MYO5A: variants seen among roughly 807,000 people sequenced by gnomAD.
MYO5A encodes unconventional myosin-Va.
In MYO5A, 98 loss-of-function variants were observed where a neutral mutation model predicts 249.7. The ratio of observed to expected loss-of-function variants is 0.39; its 90% confidence interval spans 0.33 to 0.46. The LOEUF (loss-of-function observed/expected upper bound fraction) is 0.46, where lower values mean the gene tolerates loss of function less well. MYO5A is among the 20% of genes least tolerant of loss of function. MYO5A has a pLI of 0.98. For synonymous variants in MYO5A, 778 were observed against 810.6 expected (o/e 0.96, Z 0.68); for missense variants, 1,696 against 2,308.8 (o/e 0.73, Z 5.44).
chr15:52,357,103 C>A (rs985894655), intron 25 of MYO5A, among the ~76,000 whole-genome samples: 1 of 151,942 alleles, frequency 6.6e-6, no homozygotes, highest in Non-Finnish European at 1.5e-5. Context: ...TGCCTCAACA[C>A]GAAATCACCA....
At chr15:52,407,160 T>C (rs1032812829) in intron 8 of MYO5A, 132 bp downstream of exon 8, 2 of 712,110 alleles carry the variant, frequency 2.8e-6, no homozygotes. Context: ...TGTCTAAATG[T>C]GTTCTATGTG....
intron 1 of MYO5A, among the ~76,000 whole-genome samples, chr15:52,457,626 T>A (rs2076146164): frequency 6.6e-6 from 1 of 152,136 alleles, no homozygotes; most frequent in Non-Finnish European, 1.5e-5. Context: ...CTGTTGAGGA[T>A]GTGGAGAAAA....
At chr15:52,334,905 G>C (rs916639236) in intron 34 of MYO5A, among the ~76,000 whole-genome samples, 1 of 152,188 alleles carries the variant, frequency 6.6e-6, no homozygotes, top group Non-Finnish European at 1.5e-5. Context: ...ATCAGGAAAG[G>C]CTACTCTTGA....
intron 5 of MYO5A, among the ~76,000 whole-genome samples, chr15:52,414,497 A>G (rs1270443279): frequency 6.6e-6 from 1 of 152,158 alleles, no homozygotes; most frequent in Non-Finnish European, 1.5e-5. Flanking sequence ...AGGTCATAAA[A>G]TAGTACACTC....
chr15:52,504,428 G>A (rs1470402578), intron 1 of MYO5A, among the ~76,000 whole-genome samples: 1 of 152,162 alleles, frequency 6.6e-6, no homozygotes, highest in Non-Finnish European at 1.5e-5. Context: ...GTTTTGCAAT[G>A]TCCAAAGCAT....
intron 4 of MYO5A, among the ~76,000 whole-genome samples, chr15:52,423,002 C>T (rs1219811424): frequency 5.9e-5 from 9 of 152,188 alleles, no homozygotes; most frequent in Non-Finnish European, 7.3e-5. Flanking sequence ...GGCCTACAGA[C>T]GTGCGCCACC....
chr15:52,438,707 G>C (rs1339894924), intron 1 of MYO5A, among the ~76,000 whole-genome samples: 2 of 152,234 alleles, frequency 1.3e-5, no homozygotes, highest in South Asian at 4.1e-4. Context: ...GACAATGATC[G>C]GGATATAAAC....
Position 52,372,204 on chromosome 15 carries a change from G to A in MYO5A, c.2737C>T (p.Arg913Cys), listed in dbSNP as rs779455603. 40 of 1,613,472 alleles carry A rather than the reference G, an allele frequency of 2.5e-5. No individual in the cohort carries two copies. The highest frequency in any genetic ancestry group is 8.8e-5 in the South Asian group (8 of 91,054). The change falls in exon 21 of 42, where the codon CGC (arginine) becomes TGC (cysteine). Residue 913 changes from arginine to cysteine, a missense_variant. Arg to Cys is a radical substitution (Grantham distance 180, BLOSUM62 -3). Around this residue, in one of 5 missense-constraint regions of MYO5A, gnomAD observed 412 missense variants for 453.3 expected, o/e 0.91. Coordinates refer to ENST00000399233, the MANE Select transcript of MYO5A (RefSeq NM_001382347.1). ...AGCTTCTTATAGCGCTCCACTGAGC[G>A]AGCCTCGATTTTGAGCTTCTTTAGC... is the stretch of plus-strand genomic sequence containing the variant. The part of the protein sequence containing the change: ...RELKKLKIEA[R>C]SVERYKKLHI...
At chr15:52,425,347 G>GGTTTGTTTGTTTGTTT in intron 4 of MYO5A, among the ~76,000 whole-genome samples, 1 of 151,366 alleles carries the variant, frequency 6.6e-6, no homozygotes, top group South Asian at 2.1e-4. Context: ...AAATGTGAGG[G>GGTTTGTTTGTTTGTTT]GTTTGTTTGT....
intron 5 of MYO5A, among the ~76,000 whole-genome samples, chr15:52,413,762 T>C (rs2043351041): frequency 6.6e-6 from 1 of 152,210 alleles, no homozygotes; most frequent in African/African-American, 2.4e-5. Flanking sequence ...TGAAAATTAG[T>C]TCAACTCTTT....
intron 3 of MYO5A, among the ~76,000 whole-genome samples, chr15:52,426,328 T>C (rs1025554312): frequency 5.9e-5 from 9 of 152,132 alleles, no homozygotes; most frequent in Non-Finnish European, 7.4e-5. Context: ...TTTTTTTTTT[T>C]TTTTTCACAA....
At chr15:52,353,332 T>C (rs540352314) in intron 27 of MYO5A, among the ~76,000 whole-genome samples, 1 of 152,332 alleles carries the variant, frequency 6.6e-6, no homozygotes, top group East Asian at 1.9e-4. Flanking sequence ...AATTGGATTT[T>C]TATAGTGGCA....
At chr15:52,477,186 G>T (rs1337161339) in intron 1 of MYO5A, among the ~76,000 whole-genome samples, 2 of 152,044 alleles carry the variant, frequency 1.3e-5, no homozygotes, top group African/African-American at 4.8e-5. Flanking sequence ...GATCAAATTG[G>T]CTACTGAAGC....
At position 52,448,557 on chromosome 15, in the gene MYO5A, A is replaced by G. The variant is rs1459484269; in HGVS notation, c.28-15272T>C. Among the ~76,000 whole-genome samples the G allele has an allele frequency of 2.0e-5, 3 of 152,204 alleles. No individual in the cohort carries two copies. In the East Asian group the frequency reaches 5.8e-4, roughly 29 times the overall value. On this transcript the variant is annotated intron_variant, in intron 1 of 41. Transcript: ENST00000399233. ...GAATTGTATTTTGCAATGTGAGGACATAAGATTTGGGAGGCGCCAGTGGCA... is the reference window on the plus strand; with the variant it reads ...GAATTGTATTTTGCAATGTGAGGACGTAAGATTTGGGAGGCGCCAGTGGCA...
chr15:52,403,246 A>T (rs967856317), intron 9 of MYO5A, among the ~76,000 whole-genome samples: 5 of 152,208 alleles, frequency 3.3e-5, no homozygotes, highest in African/African-American at 1.2e-4. Context: ...AGTTCTTTTT[A>T]AAAAATCCAG....
chr15:52,339,676 C>T (rs2039290452), intron 32 of MYO5A, among the ~76,000 whole-genome samples: 1 of 152,174 alleles, frequency 6.6e-6, no homozygotes, highest in African/African-American at 2.4e-5. Context: ...AATCCTAACA[C>T]ACACCTCCCT....
intron 1 of MYO5A, among the ~76,000 whole-genome samples, chr15:52,439,131 T>A (rs1450813128): frequency 6.6e-6 from 1 of 152,220 alleles, no homozygotes; most frequent in East Asian, 1.9e-4. Context: ...AAGATTCCAT[T>A]CCTTGGAATC....
chr15:52,376,322 T>C (rs1325261944), intron 19 of MYO5A, 25 bp downstream of exon 19: 9 of 1,607,946 alleles, frequency 5.6e-6, no homozygotes, highest in Non-Finnish European at 7.7e-6. Flanking sequence ...AGATGGGCAC[T>C]CTACTCTGTC....
rs1261047389 is a variant in MYO5A at position 52,423,533 on chromosome 15, C to A, written c.455+2297G>T. Among the ~76,000 whole-genome samples the A allele has an allele frequency of 7.4e-4, 109 of 146,762 alleles. 1 individual carries two copies. Among genetic ancestry groups the A allele is most frequent in the Non-Finnish European group, 1.8e-4 (12 of 67,278 alleles). Reference sequence around the variant, plus strand: ...CGCCACTGCACTCCAGCTTGGGTGACAGGGCAAGACTCCGTCTTAAAAAAA... The same window carrying A: ...CGCCACTGCACTCCAGCTTGGGTGAAAGGGCAAGACTCCGTCTTAAAAAAA... On this transcript the variant is annotated intron_variant, in intron 4 of 41. Transcript: ENST00000399233.
Sources: gnomAD v4.1 joint callset for allele counts (sites outside exome capture counted in the v4.1 genomes callset) on GRCh38, gnomAD v4.1.1 for gene constraint, gnomAD v4.1.1 regional missense constraint, MANE v1.5 for transcripts, NCBI Gene and HGNC (gene_info 2026-07-23, HGNC 2026-07-21) for gene names.